The following B4GALNT3 variants were observed in gnomAD, a reference collection of about 807,000 sequenced individuals.
The protein encoded by B4GALNT3 is beta-1,4-N-acetyl-galactosaminyltransferase 3, also known as beta-1,4-N-acetylgalactosaminyltransferase 3.
B4GALNT3 carries 86 observed loss-of-function variants against 120.2 expected under a neutral mutation model. That is an observed-to-expected ratio of 0.72 (90% CI 0.60 to 0.86). B4GALNT3 has a LOEUF of 0.86. B4GALNT3 is among the 40% of genes least tolerant of loss of function. The pLI is 0.00. For synonymous variants in B4GALNT3, 518 were observed against 510.4 expected (o/e 1.01, Z -0.20); for missense variants, 1,167 against 1,298.9 (o/e 0.90, Z 1.56).
At chr12:555,616 T>C (rs7133404) in intron 14 of B4GALNT3, among the ~76,000 whole-genome samples, 152,268 of 152,296 alleles carry the variant, frequency 1, 76,120 homozygotes, top group Middle Eastern at 1. Flanking sequence ...GTAGAACTTC[T>C]GGGTCATATG....
intron 1 of B4GALNT3, among the ~76,000 whole-genome samples, chr12:510,499 A>AGTTGGGTGGGCTGGG (rs772676193): frequency 6.8e-6 from 1 of 146,816 alleles, no homozygotes; most frequent in Admixed American, 6.7e-5. Context: ...CTGGGAGGGA[A>AGTTGGGTGGGCTGGG]ACGGGCCCTT....
chr12:550,023 G>T lies in B4GALNT3; in HGVS notation c.997+111G>T, dbSNP rs184692925. 5.2e-5 allele frequency: 65 copies of T among 1,254,560 alleles called. No individual in the cohort carries two copies. The highest frequency in any genetic ancestry group is 6.9e-5 in the Non-Finnish European group (63 of 910,002). The allele number at this position is 1,254,560 out of a possible 1,614,324, so 77.7% of individuals were successfully genotyped here. On this transcript the variant is annotated intron_variant, in intron 10 of 19. Coordinates refer to ENST00000266383, the MANE Select transcript of B4GALNT3 (RefSeq NM_173593.4). This position sits in a 1 kb window ranked among gnomAD's most constrained non-coding sequence, Gnocchi z 4.1. ...CCTGCCAAGTATCCCAATCACCGTAGAACTTTTTATCGTCCTTGTAACATA... is the reference window on the plus strand; with the variant it reads ...CCTGCCAAGTATCCCAATCACCGTATAACTTTTTATCGTCCTTGTAACATA...
chr12:461,480 G>T (rs1946022004), intron 1 of B4GALNT3, among the ~76,000 whole-genome samples: 1 of 152,192 alleles, frequency 6.6e-6, no homozygotes, highest in Non-Finnish European at 1.5e-5. Context: ...GGCCGTAAAA[G>T]ATCCTGTAAT....
chr12:561,626 C>T lies in B4GALNT3; in HGVS notation c.*175C>T, dbSNP rs1947233307. On this transcript the variant is annotated 3_prime_UTR_variant, in exon 20 of 20. Transcript: ENST00000266383. ...CCTCACAGAGGCAGGTTCCGGGGCT[C>T]CTGTCTCTGCCTCCTGGGCCTTCAG... 3.4e-6 allele frequency: 2 copies of T among 587,026 alleles called. No individual in the cohort carries two copies. The highest frequency in any genetic ancestry group is 2.1e-5 in the South Asian group (1 of 47,228). The allele number at this position is 587,026 out of a possible 1,614,324, so 36.4% of individuals were successfully genotyped here.
At chr12:514,899 G>A (rs1277734962) in intron 1 of B4GALNT3, among the ~76,000 whole-genome samples, 1 of 152,018 alleles carries the variant, frequency 6.6e-6, no homozygotes, top group African/African-American at 2.4e-5. Context: ...CTTGGTGGTG[G>A]GAGCCTGTAA....
intron 16 of B4GALNT3, 47 bp from the exon 17 acceptor site, chr12:557,969 C>T (rs749135932): frequency 1.3e-6 from 2 of 1,591,852 alleles, no homozygotes; most frequent in African/African-American, 1.3e-5. Context: ...TCCAGGGGAC[C>T]ACCGCAGCTG....
intron 19 of B4GALNT3, among the ~76,000 whole-genome samples, chr12:560,104 C>T (rs1010808455): frequency 6.6e-6 from 1 of 152,110 alleles, no homozygotes. Flanking sequence ...GTTCCTCTTT[C>T]AAGAAATGTG....
intron 1 of B4GALNT3, among the ~76,000 whole-genome samples, chr12:491,980 C>T (rs1946343874): frequency 1.3e-5 from 2 of 150,046 alleles, no homozygotes; most frequent in South Asian, 4.4e-4. Context: ...ATTGTGTGAA[C>T]CCAGGAGGCG....
chr12:484,375 G>T (rs1946270864), intron 1 of B4GALNT3, among the ~76,000 whole-genome samples: 1 of 152,146 alleles, frequency 6.6e-6, no homozygotes, highest in African/African-American at 2.4e-5. Flanking sequence ...GTTATCTCTG[G>T]GGCCATCACC....
intron 2 of B4GALNT3, among the ~76,000 whole-genome samples, chr12:535,622 T>G (rs1946850922): frequency 6.6e-6 from 1 of 152,198 alleles, no homozygotes; most frequent in Non-Finnish European, 1.5e-5. Flanking sequence ...GGCTGGGCTG[T>G]GCTGTGCTTG....
intron 1 of B4GALNT3, among the ~76,000 whole-genome samples, chr12:504,526 C>T (rs1170858560): frequency 2.0e-5 from 3 of 147,472 alleles, no homozygotes; most frequent in East Asian, 4.5e-4. Flanking sequence ...GTGGTGTGAT[C>T]TCAGCTCACT....
At chr12:491,909 T>A (rs928424297) in intron 1 of B4GALNT3, among the ~76,000 whole-genome samples, 2 of 151,428 alleles carry the variant, frequency 1.3e-5, no homozygotes, top group Non-Finnish European at 2.9e-5. Context: ...CAAAAAAAAA[T>A]TAGCCAGGTG....
chr12:549,633 T>G (rs1046069198), intron 9 of B4GALNT3, 136 bp from the exon 10 acceptor site: 1 of 1,111,368 alleles, frequency 9.0e-7, no homozygotes, highest in Non-Finnish European at 1.3e-6. Context: ...CCAGAGGGAG[T>G]GTGGCTGCGC....
intron 19 of B4GALNT3, 70 bp from the exon 20 acceptor site, chr12:561,273 G>C: frequency 8.5e-7 from 1 of 1,176,630 alleles, no homozygotes; most frequent in Non-Finnish European, 1.3e-6. Flanking sequence ...AGGGTCTGTG[G>C]TCGATGGGGA....
At chr12:540,422 A>T (rs1946902303) in intron 3 of B4GALNT3, 1 of 152,184 alleles carries the variant, frequency 6.6e-6, no homozygotes, top group East Asian at 1.9e-4. Flanking sequence ...CAGGGGAGGG[A>T]GCTGTTCCCT....
intron 1 of B4GALNT3, among the ~76,000 whole-genome samples, chr12:486,784 A>C (rs1946294911): frequency 6.6e-6 from 1 of 151,928 alleles, no homozygotes; most frequent in Admixed American, 6.6e-5. Flanking sequence ...TCAGCACATC[A>C]CTTTCAACAA....
rs574810107 is a variant in B4GALNT3, at chr12:495,912, T to C, written c.169+35367T>C. On this transcript the variant is annotated intron_variant, in intron 1 of 19. Coordinates refer to ENST00000266383, the MANE Select transcript of B4GALNT3 (RefSeq NM_173593.4). Reference sequence around the variant, plus strand: ...TCATGAATGATATACATTTGAAAAGTTTACATGTATTAAACTTTATTGACA... The same window carrying C: ...TCATGAATGATATACATTTGAAAAGCTTACATGTATTAAACTTTATTGACA... 1.4e-4 allele frequency among the ~76,000 whole-genome samples: 22 copies of C among 152,272 alleles called. No individual in the cohort carries two copies. In the East Asian group the frequency reaches 4.2e-3, roughly 29 times the overall value.
intron 1 of B4GALNT3, among the ~76,000 whole-genome samples, chr12:477,119 T>G (rs1470957146): frequency 6.6e-6 from 1 of 152,208 alleles, no homozygotes; most frequent in Non-Finnish European, 1.5e-5. Flanking sequence ...TTTATAGGAC[T>G]CCTGGTGCCT....
intron 1 of B4GALNT3, among the ~76,000 whole-genome samples, chr12:479,582 A>G (rs573825171): frequency 2.4e-4 from 36 of 152,306 alleles, no homozygotes; most frequent in South Asian, 1.7e-3. Flanking sequence ...ATAAGGGGGA[A>G]GTTGAGCAAC....
Sources: gnomAD v4.1 joint callset for allele counts (sites outside exome capture counted in the v4.1 genomes callset) on GRCh38, gnomAD v4.1.1 for gene constraint, Gnocchi (gnomAD v3.1) non-coding constraint, MANE v1.5 for transcripts, NCBI Gene and HGNC (gene_info 2026-07-23, HGNC 2026-07-21) for gene names.